SCP2: variants seen among roughly 807,000 people sequenced by gnomAD.
SCP2 encodes SCP-2/3-oxoacyl-CoA thiolase.
Under a neutral mutation model 71.4 loss-of-function variants are expected in SCP2, and 48 were observed. That is an observed-to-expected ratio of 0.67 (90% confidence interval 0.53 to 0.86). SCP2 has a LOEUF of 0.86. SCP2 is among the 40% of genes least tolerant of loss of function. The probability of loss-of-function intolerance (pLI) is 0.00; values close to 1 mark genes in which losing one functional copy is unlikely to be tolerated. For missense variants in SCP2, 560 were observed against 655.6 expected (o/e 0.85, Z 1.59); for synonymous variants, 220 against 218.1 (o/e 1.01, Z -0.08).
chr1:52,965,532 T>C (rs1399623602), intron 6 of SCP2, among the ~76,000 whole-genome samples: 1 of 152,222 alleles, frequency 6.6e-6, no homozygotes, highest in African/African-American at 2.4e-5. Flanking sequence ...CCTAAATACC[T>C]TCTTTAATTC....
At chr1:52,987,925 T>TA (rs113499142) in intron 10 of SCP2, 104 bp from the exon 11 acceptor site, 23 of 716,008 alleles carry the variant, frequency 3.2e-5, no homozygotes, top group African/African-American at 2.1e-4. Context: ...TGTTAAGAAA[T>TA]ATTTGCTCCA....
intron 11 of SCP2, chr1:52,993,556 A>G: frequency 6.2e-7 from 1 of 1,612,228 alleles, no homozygotes; most frequent in African/African-American, 1.3e-5. Flanking sequence ...AGCCCTCGCC[A>G]GTCCTCATAT....
Position 53,051,001 on chromosome 1 carries a change from A to C in SCP2, c.*297A>C. On this transcript the variant is annotated 3_prime_UTR_variant, in exon 16 of 16. Coordinates refer to ENST00000371514, the MANE Select transcript of SCP2 (RefSeq NM_002979.5). ...AATTAGGAACAGTAAAATCCAAAGA[A>C]CTATGTAAACAAAAAAGCTTTTGTT... The C allele has an allele frequency of 4.2e-6, 1 of 236,612 alleles. No homozygotes were observed. Among genetic ancestry groups the C allele is most frequent in the South Asian group, 6.8e-5 (1 of 14,666 alleles). 14.7% of individuals were successfully genotyped at this position (236,612 alleles called of 1,614,324 possible). A position where few individuals can be genotyped will look rare whatever the true frequency, so the allele number is the denominator to read the frequency against.
intron 11 of SCP2, among the ~76,000 whole-genome samples, chr1:52,998,954 G>A (rs749914946): frequency 1.3e-5 from 2 of 152,130 alleles, no homozygotes; most frequent in Non-Finnish European, 2.9e-5. Context: ...AGAGAGACTC[G>A]CATTCAAAGA....
chr1:52,978,129 C>A, intron 8 of SCP2, 88 bp from the exon 9 acceptor site: 2 of 1,314,762 alleles, frequency 1.5e-6, no homozygotes, highest in Non-Finnish European at 2.2e-6. Flanking sequence ...CATATTTGGC[C>A]TTTCCTTTCA....
chr1:52,958,372 A>C (rs1007031900), intron 5 of SCP2, among the ~76,000 whole-genome samples: 3 of 151,892 alleles, frequency 2.0e-5, no homozygotes, highest in Non-Finnish European at 4.4e-5. Flanking sequence ...CTGGGATTAC[A>C]GGCTCCCACC....
chr1:52,973,345 CT>C (rs35488175), intron 6 of SCP2, among the ~76,000 whole-genome samples: 85 of 146,476 alleles, frequency 5.8e-4, no homozygotes, highest in Non-Finnish European at 5.9e-4. Context: ...GAAGAACCCT[CT>C]TTTTTTTTTT....
intron 15 of SCP2, chr1:53,048,763 G>A (rs1389574965): frequency 1.3e-5 from 2 of 152,402 alleles, no homozygotes; most frequent in Non-Finnish European, 2.9e-5. Flanking sequence ...AATTGTCAAG[G>A]GTCCTCTTAG....
At chr1:52,994,067 C>T in intron 11 of SCP2, 2 of 1,099,692 alleles carry the variant, frequency 1.8e-6, no homozygotes, top group Non-Finnish European at 2.2e-6. Flanking sequence ...GTGCCCAATG[C>T]TACACAGACA....
At chr1:52,961,424 A>C in intron 5 of SCP2, 79 bp from the exon 6 acceptor site, 1 of 1,429,592 alleles carries the variant, frequency 7.0e-7, no homozygotes, top group Non-Finnish European at 9.8e-7. Context: ...ATAAATAAAT[A>C]TCTTAATAGC....
At chr1:53,012,637 T>A (rs1340289946) in intron 11 of SCP2, among the ~76,000 whole-genome samples, 5 of 152,200 alleles carry the variant, frequency 3.3e-5, no homozygotes, top group Non-Finnish European at 7.4e-5. Flanking sequence ...TTTCCCTACA[T>A]TTGATTATTT....
At chr1:53,041,334 G>A (rs1434328719) in intron 14 of SCP2, among the ~76,000 whole-genome samples, 12 of 151,886 alleles carry the variant, frequency 7.9e-5, no homozygotes, top group African/African-American at 2.2e-4. Flanking sequence ...CCCAGGAGGC[G>A]GAGGTTGCAG....
At chr1:53,039,067 A>G (rs1283161073) in intron 14 of SCP2, 21 bp downstream of exon 14, 8 of 1,613,996 alleles carry the variant, frequency 5.0e-6, no homozygotes, top group Non-Finnish European at 6.8e-6. Flanking sequence ...GAATGACTTC[A>G]TTCTAGGAGC....
At chr1:52,956,006 G>T (rs924260572) in intron 5 of SCP2, among the ~76,000 whole-genome samples, 1 of 151,372 alleles carries the variant, frequency 6.6e-6, no homozygotes, top group East Asian at 1.9e-4. Flanking sequence ...TTATAGAAAA[G>T]AAAAATGAAA....
chr1:53,001,567 G>A (rs764916162), intron 11 of SCP2, among the ~76,000 whole-genome samples: 1 of 152,144 alleles, frequency 6.6e-6, no homozygotes, highest in Non-Finnish European at 1.5e-5. Context: ...AGAAAATAGA[G>A]GCATGGAGAG....
At chr1:53,032,573 A>G (rs531958043) in intron 13 of SCP2, among the ~76,000 whole-genome samples, 10 of 152,194 alleles carry the variant, frequency 6.6e-5, no homozygotes, top group Non-Finnish European at 8.8e-5. Context: ...ATGGAATTCA[A>G]CATGTTCATG....
intron 10 of SCP2, among the ~76,000 whole-genome samples, chr1:52,985,540 T>C (rs1658911856): frequency 1.3e-5 from 2 of 152,236 alleles, no homozygotes; most frequent in Non-Finnish European, 2.9e-5. Flanking sequence ...GCTGGTCCCG[T>C]GCTTCTGCCT....
chr1:52,949,213 T>C (rs1406868596), intron 3 of SCP2, among the ~76,000 whole-genome samples: 3 of 152,186 alleles, frequency 2.0e-5, no homozygotes, highest in Non-Finnish European at 4.4e-5. Context: ...AAGAGAATTC[T>C]AGAAGGGAAA....
At chr1:52,994,036 C>T in intron 11 of SCP2, 1 of 1,178,828 alleles carries the variant, frequency 8.5e-7, no homozygotes, top group Non-Finnish European at 1.1e-6. Flanking sequence ...CCTCAAGGTA[C>T]CGTATCTGTA....
Sources: gnomAD v4.1 joint callset for allele counts (sites outside exome capture counted in the v4.1 genomes callset) on GRCh38, gnomAD v4.1.1 for gene constraint, MANE v1.5 for transcripts, NCBI Gene and HGNC (gene_info 2026-07-23, HGNC 2026-07-21) for gene names.